Variants in SH3GL2 observed in about 807,000 individuals in gnomAD.
SH3GL2 encodes the protein endophilin-A1.
In SH3GL2, 24 loss-of-function variants were observed where a neutral mutation model predicts 46.0. That is an observed-to-expected ratio of 0.52 (90% CI 0.38 to 0.73). SH3GL2 has a LOEUF of 0.73. Among genes scored for constraint, SH3GL2 ranks in the 30% least tolerant of loss-of-function variants. The probability of loss-of-function intolerance (pLI) is 0.00; values close to 1 mark genes in which losing one functional copy is unlikely to be tolerated. For synonymous variants in SH3GL2, 196 were observed against 147.1 expected (o/e 1.33, Z -2.40); for missense variants, 413 against 424.2 (o/e 0.97, Z 0.23).
At chr9:17,636,802 CA>C (rs1278792668) in intron 1 of SH3GL2, among the ~76,000 whole-genome samples, 1 of 152,134 alleles carries the variant, frequency 6.6e-6, no homozygotes, top group Non-Finnish European at 1.5e-5. Context: ...ATGCCCAAAC[CA>C]AAATTAAGGC....
intron 1 of SH3GL2, among the ~76,000 whole-genome samples, chr9:17,616,944 G>T (rs992581691): frequency 2.0e-4 from 30 of 152,114 alleles, no homozygotes; most frequent in African/African-American, 6.8e-4. Context: ...CCTTCCCAGA[G>T]GCAACCATTG....
chr9:17,691,110 A>G (rs1437005221), intron 1 of SH3GL2, among the ~76,000 whole-genome samples: 3 of 152,140 alleles, frequency 2.0e-5, no homozygotes, highest in Non-Finnish European at 4.4e-5. Context: ...TTAATGATGA[A>G]TTGGTCTCGG....
chr9:17,606,433 A>C (rs1818763494), intron 1 of SH3GL2, among the ~76,000 whole-genome samples: 1 of 152,158 alleles, frequency 6.6e-6, no homozygotes, highest in Non-Finnish European at 1.5e-5. Flanking sequence ...GAAGCTTCCC[A>C]AGTGTTACCA....
intron 1 of SH3GL2, among the ~76,000 whole-genome samples, chr9:17,624,253 C>A (rs1819225822): frequency 6.6e-6 from 1 of 152,164 alleles, no homozygotes; most frequent in Non-Finnish European, 1.5e-5. Flanking sequence ...TTTTAACATC[C>A]TTTCACAGTG....
chr9:17,794,760 G>A (rs1824231536), intron 8 of SH3GL2, among the ~76,000 whole-genome samples: 1 of 152,098 alleles, frequency 6.6e-6, no homozygotes, highest in African/African-American at 2.4e-5. Context: ...TTTTACTCAA[G>A]GTGGAGTACA....
At chr9:17,721,401 T>G (rs1821890718) in intron 1 of SH3GL2, among the ~76,000 whole-genome samples, 1 of 152,144 alleles carries the variant, frequency 6.6e-6, no homozygotes, top group Admixed American at 6.6e-5. Flanking sequence ...TTTCTGTTAA[T>G]CTTTTTTATA....
chr9:17,719,971 A>T (rs1340717118), intron 1 of SH3GL2, among the ~76,000 whole-genome samples: 3 of 142,258 alleles, frequency 2.1e-5, no homozygotes, highest in South Asian at 2.1e-4. Flanking sequence ...TTTACTAATT[A>T]AAAAAAACCT....
intron 1 of SH3GL2, among the ~76,000 whole-genome samples, chr9:17,581,896 G>A (rs1379272984): frequency 6.6e-6 from 1 of 152,054 alleles, no homozygotes; most frequent in African/African-American, 2.4e-5. Flanking sequence ...ACAGGGTTTA[G>A]CCATGTTAAC....
intron 1 of SH3GL2, among the ~76,000 whole-genome samples, chr9:17,679,923 G>A (rs1205294516): frequency 6.6e-6 from 1 of 152,092 alleles, no homozygotes; most frequent in East Asian, 1.9e-4. Flanking sequence ...TTATATGCTG[G>A]ATTACGTTTA....
chr9:17,701,138 C>T (rs1314699734), intron 1 of SH3GL2, among the ~76,000 whole-genome samples: 1 of 152,148 alleles, frequency 6.6e-6, no homozygotes, highest in East Asian at 1.9e-4. Flanking sequence ...GTCACAAACC[C>T]AGCAGAGAAT....
At chr9:17,766,191 G>C (rs1823312460) in intron 3 of SH3GL2, among the ~76,000 whole-genome samples, 1 of 152,168 alleles carries the variant, frequency 6.6e-6, no homozygotes. Context: ...GGAAAATCCA[G>C]CTAACTGATG....
At chr9:17,607,927 G>A (rs1818789374) in intron 1 of SH3GL2, among the ~76,000 whole-genome samples, 1 of 152,106 alleles carries the variant, frequency 6.6e-6, no homozygotes, top group South Asian at 2.1e-4. Flanking sequence ...ATGCTTTCCT[G>A]TCCCAAATAC....
intron 1 of SH3GL2, among the ~76,000 whole-genome samples, chr9:17,595,768 G>T (rs554228421): frequency 1.6e-3 from 236 of 152,214 alleles, no homozygotes; most frequent in African/African-American, 5.4e-3. Flanking sequence ...AAAAAAGCCA[G>T]CCATAAAGCA....
intron 1 of SH3GL2, among the ~76,000 whole-genome samples, chr9:17,629,395 T>C (rs1483061848): frequency 2.0e-5 from 3 of 152,190 alleles, no homozygotes; most frequent in Admixed American, 2.0e-4. Context: ...TATAATGAAG[T>C]CTCTGAAATA....
chr9:17,788,349 C>T (rs1032988152), intron 5 of SH3GL2, among the ~76,000 whole-genome samples: 2 of 152,016 alleles, frequency 1.3e-5, no homozygotes, highest in African/African-American at 2.4e-5. Context: ...TCCAAATGAG[C>T]ATTTAGTTTT....
chr9:17,770,115 C>A (rs982337782), intron 3 of SH3GL2, among the ~76,000 whole-genome samples: 2 of 152,174 alleles, frequency 1.3e-5, no homozygotes, highest in Non-Finnish European at 2.9e-5. Flanking sequence ...CAGAGCTGTT[C>A]TCTGTGTAAT....
At chr9:17,740,598 T>G (rs1822499043) in intron 1 of SH3GL2, among the ~76,000 whole-genome samples, 1 of 152,144 alleles carries the variant, frequency 6.6e-6, no homozygotes, top group African/African-American at 2.4e-5. Flanking sequence ...CTATAAATAT[T>G]GAGAATACAG....
chr9:17,692,412 A>C (rs1190018393), intron 1 of SH3GL2, among the ~76,000 whole-genome samples: 1 of 152,010 alleles, frequency 6.6e-6, no homozygotes, highest in Non-Finnish European at 1.5e-5. Flanking sequence ...TTGAGAGGCC[A>C]AGGTGGGTGG....
intron 1 of SH3GL2, among the ~76,000 whole-genome samples, chr9:17,643,910 C>A (rs1411376528): frequency 2.0e-5 from 3 of 152,172 alleles, no homozygotes; most frequent in African/African-American, 4.8e-5. Context: ...AGGAATGGCA[C>A]CAGCTCCTCT....
Sources: allele counts gnomAD v4.1 joint callset (sites outside exome capture counted in the v4.1 genomes callset), GRCh38; gene constraint gnomAD v4.1.1; transcripts MANE v1.5; gene names NCBI Gene and HGNC (gene_info 2026-07-23, HGNC 2026-07-21).